Variants in PCDH7 observed in about 807,000 individuals in gnomAD.
PCDH7 encodes protocadherin 7.
A neutral mutation model predicts 58.9 loss-of-function variants in PCDH7; 17 were observed. The ratio of observed to expected loss-of-function variants is 0.29; its 90% confidence interval spans 0.20 to 0.43. PCDH7 has a LOEUF of 0.43. PCDH7 is among the 20% of genes least tolerant of loss of function. The probability of loss-of-function intolerance (pLI) is 1.00; values close to 1 mark genes in which losing one functional copy is unlikely to be tolerated. For missense variants in PCDH7, 1,274 were observed against 1,441.0 expected, an observed-to-expected ratio of 0.88 and a Z score of 1.88; for synonymous variants, 664 against 616.4, an observed-to-expected ratio of 1.08 and a Z score of -1.14.
chr4:30,824,059 T>G (rs1458551668), intron 1 of PCDH7, among the ~76,000 whole-genome samples: 1 of 152,094 alleles, frequency 6.6e-6, no homozygotes, highest in African/African-American at 2.4e-5. Context: ...TCTGATAGTC[T>G]GTAATTAAAG....
At chr4:31,019,746 A>G (rs1753886688) in intron 3 of PCDH7, among the ~76,000 whole-genome samples, 2 of 151,932 alleles carry the variant, frequency 1.3e-5, no homozygotes, top group Non-Finnish European at 2.9e-5. Flanking sequence ...ACTACAGGAG[A>G]GGAACCATTC....
intron 3 of PCDH7, among the ~76,000 whole-genome samples, chr4:31,000,984 A>G (rs774945658): frequency 5.9e-4 from 90 of 152,216 alleles, no homozygotes; most frequent in Non-Finnish European, 4.1e-4. Context: ...AAGTATATTA[A>G]TTAAACGGGG....
chr4:30,856,932 C>CT (rs907518106), intron 1 of PCDH7, among the ~76,000 whole-genome samples: 24 of 146,752 alleles, frequency 1.6e-4, no homozygotes, highest in Admixed American at 3.4e-4. Context: ...AAGCTTTTTT[C>CT]TTTTTTTTTT....
At chr4:30,748,709 C>T (rs10030137) in intron 1 of PCDH7, among the ~76,000 whole-genome samples, 6,129 of 152,204 alleles carry the variant, frequency 0.04, 303 homozygotes, top group African/African-American at 0.12. Flanking sequence ...CATCTGAACA[C>T]TGGGAATAGC....
At chr4:30,908,798 T>C (rs1428734010) in intron 1 of PCDH7, among the ~76,000 whole-genome samples, 1 of 151,902 alleles carries the variant, frequency 6.6e-6, no homozygotes, top group Non-Finnish European at 1.5e-5. Flanking sequence ...TTCCAAACAA[T>C]AGAAAAAGAG....
chr4:31,000,930 T>C (rs960532816), intron 3 of PCDH7, among the ~76,000 whole-genome samples: 3 of 152,098 alleles, frequency 2.0e-5, no homozygotes, highest in African/African-American at 7.2e-5. Context: ...AGAGTCTATG[T>C]GTACACACCA....
At chr4:30,774,982 C>T (rs985535535) in intron 1 of PCDH7, among the ~76,000 whole-genome samples, 1 of 152,082 alleles carries the variant, frequency 6.6e-6, no homozygotes, top group Non-Finnish European at 1.5e-5. Flanking sequence ...GCTTTGACTC[C>T]TTCTTTATTC....
downstream of PCDH7, among the ~76,000 whole-genome samples, chr4:30,733,644 A>G (rs559340331): frequency 5.4e-4 from 82 of 152,308 alleles, no homozygotes; most frequent in African/African-American, 1.9e-3. Flanking sequence ...AAAGCATTGA[A>G]TACATGTTTG....
At chr4:31,045,247 T>C (rs1426230496) in intron 3 of PCDH7, among the ~76,000 whole-genome samples, 3 of 152,036 alleles carry the variant, frequency 2.0e-5, no homozygotes, top group Non-Finnish European at 2.9e-5. Context: ...GCTCTGGTCT[T>C]TCTGATGTGT....
chr4:31,056,449 A>AGAAG (rs1757188918), intron 3 of PCDH7, among the ~76,000 whole-genome samples: 6 of 42,242 alleles, frequency 1.4e-4, no homozygotes, highest in African/African-American at 6.4e-4. Flanking sequence ...AAGGAAAGAA[A>AGAAG]GAAAGAAAGA....
intron 1 of PCDH7, among the ~76,000 whole-genome samples, chr4:30,897,461 G>C (rs952152416): frequency 6.6e-6 from 1 of 151,922 alleles, no homozygotes; most frequent in African/African-American, 2.4e-5. Context: ...GAAATTCCCA[G>C]TATAAAATAT....
intron 3 of PCDH7, among the ~76,000 whole-genome samples, chr4:30,994,646 T>G (rs531420076): frequency 3.0e-4 from 45 of 152,330 alleles, no homozygotes; most frequent in African/African-American, 1.1e-3. Context: ...GATGGTCCTA[T>G]TAACATTTAG....
rs1719497981 is a variant in PCDH7 at position 31,135,558 on chromosome 4, C to T, written c.*8-6915C>T. ...AGAAAACTAACTGAAAATAGGTACC[C>T]ATTTGCTTGACAATTGGTATTTATT... On this transcript the variant is annotated intron_variant, in intron 3 of 3. Transcript: ENST00000509759. Among the ~76,000 whole-genome samples, 2 of 152,092 alleles carry T rather than the reference C, an allele frequency of 1.3e-5. 1 individual carries two copies. Among genetic ancestry groups the T allele is most frequent in the South Asian group, 4.2e-4 (2 of 4,816 alleles).
At chr4:30,763,853 T>C (rs951174734) in intron 1 of PCDH7, among the ~76,000 whole-genome samples, 1 of 152,122 alleles carries the variant, frequency 6.6e-6, no homozygotes, top group African/African-American at 2.4e-5. Context: ...ATTTTGAACA[T>C]TAATTCACTG....
intron 3 of PCDH7, among the ~76,000 whole-genome samples, chr4:31,091,014 T>C (rs1217252105): frequency 6.6e-6 from 1 of 152,006 alleles, no homozygotes; most frequent in Admixed American, 6.6e-5. Flanking sequence ...ATATAATGAG[T>C]ATTTTGAGTG....
At chr4:31,145,644 A>T (rs1458980077), downstream of PCDH7, 1 of 152,092 alleles carries the variant, frequency 6.6e-6, no homozygotes, top group Non-Finnish European at 1.5e-5. Context: ...AATAAATAAT[A>T]TATTAAAAAT....
intron 3 of PCDH7, among the ~76,000 whole-genome samples, chr4:31,098,499 G>C (rs983208679): frequency 2.6e-5 from 4 of 152,164 alleles, no homozygotes; most frequent in Non-Finnish European, 5.9e-5. Flanking sequence ...AAAGCCAAAA[G>C]TTGATCGTTG....
chr4:30,747,877 T>G (rs536770467), intron 1 of PCDH7, among the ~76,000 whole-genome samples: 50 of 152,314 alleles, frequency 3.3e-4, no homozygotes, highest in African/African-American at 1.2e-3. Flanking sequence ...AAATATTATT[T>G]GGGTAGACTC....
intron 3 of PCDH7, among the ~76,000 whole-genome samples, chr4:31,034,510 C>A (rs1039987217): frequency 2.0e-5 from 3 of 152,100 alleles, no homozygotes; most frequent in Non-Finnish European, 4.4e-5. Flanking sequence ...CACATTTTTA[C>A]AATGAAGACA....
Sources: gnomAD v4.1 joint callset for allele counts (sites outside exome capture counted in the v4.1 genomes callset) on GRCh38, gnomAD v4.1.1 for gene constraint, MANE v1.5 for transcripts, NCBI Gene and HGNC (gene_info 2026-07-23, HGNC 2026-07-21) for gene names.